The following BICC1 variants were observed in gnomAD, a reference collection of about 807,000 sequenced individuals.
BICC1 encodes the protein protein bicaudal C homolog 1.
In BICC1, 43 loss-of-function variants were observed where a neutral mutation model predicts 111.0. The observed-to-expected ratio is 0.39, with a 90% CI of 0.30 to 0.50. BICC1 has a LOEUF of 0.50. Ranked by LOEUF, BICC1 falls within the 20% of genes least tolerant of loss-of-function variation. The probability of loss-of-function intolerance (pLI) is 0.88; values close to 1 mark genes in which losing one functional copy is unlikely to be tolerated. For synonymous variants in BICC1, 467 were observed against 434.4 expected (o/e 1.07, Z -0.93); for missense variants, 1,091 against 1,203.2 (o/e 0.91, Z 1.38).
chr10:58,817,820 C>T, intron 19 of BICC1, 98 bp downstream of exon 19: 1 of 1,222,812 alleles, frequency 8.2e-7, no homozygotes, highest in Non-Finnish European at 1.1e-6. Context: ...TATGCTTTCA[C>T]TGAGCATTTA....
chr10:58,764,629 CTT>C (rs11366847), intron 3 of BICC1, among the ~76,000 whole-genome samples: 3,096 of 117,562 alleles, frequency 0.026, 36 homozygotes, highest in African/African-American at 0.04. Context: ...TAATTTCCTT[CTT>C]TTTTTTTTTT....
At chr10:58,615,127 C>T (rs1007583242) in intron 1 of BICC1, among the ~76,000 whole-genome samples, 4 of 151,780 alleles carry the variant, frequency 2.6e-5, no homozygotes, top group African/African-American at 9.7e-5. Context: ...TTTATCTTGC[C>T]TGGGTGTTCG....
intron 2 of BICC1, among the ~76,000 whole-genome samples, chr10:58,632,294 G>A (rs1369547963): frequency 6.6e-6 from 1 of 152,196 alleles, no homozygotes; most frequent in Non-Finnish European, 1.5e-5. Context: ...GCATGCATGT[G>A]TGCAGGCTTC....
intron 1 of BICC1, among the ~76,000 whole-genome samples, chr10:58,545,035 A>G (rs560323352): frequency 6.6e-6 from 1 of 152,156 alleles, no homozygotes; most frequent in East Asian, 1.9e-4. Flanking sequence ...TACCCCTCAA[A>G]AGGAACCAAC....
At chr10:58,637,507 C>T (rs1425412263) in intron 2 of BICC1, among the ~76,000 whole-genome samples, 1 of 152,220 alleles carries the variant, frequency 6.6e-6, no homozygotes, top group Non-Finnish European at 1.5e-5. Flanking sequence ...GTCTCAGCCA[C>T]AAGAATTTGC....
chr10:58,648,425 C>G (rs571286525), intron 2 of BICC1: 1 of 793,426 alleles, frequency 1.3e-6, no homozygotes, highest in East Asian at 1.3e-4. Flanking sequence ...GCTTTTGAAT[C>G]TAAGCCAAAA....
intron 3 of BICC1, among the ~76,000 whole-genome samples, chr10:58,754,760 A>ATGTGTGTGTGTGTG (rs149325160): frequency 6.7e-6 from 1 of 148,750 alleles, no homozygotes; most frequent in African/African-American, 2.5e-5. Context: ...GGGGGTGTGT[A>ATGTGTGTGTGTGTG]TGTGTGTGTG....
chr10:58,740,919 C>G (rs1228036933), intron 3 of BICC1, among the ~76,000 whole-genome samples: 1 of 152,218 alleles, frequency 6.6e-6, no homozygotes, highest in African/African-American at 2.4e-5. Context: ...GCTCTGAAAG[C>G]CCACATATTT....
At chr10:58,822,668 T>C (rs1844287119) in intron 20 of BICC1, among the ~76,000 whole-genome samples, 1 of 152,174 alleles carries the variant, frequency 6.6e-6, no homozygotes, top group African/African-American at 2.4e-5. Flanking sequence ...GTTGAGTGCA[T>C]TTGTTTGAAC....
rs769293036 is a variant in BICC1, at chr10:58,831,090, G to C, written c.*2199G>C. ...GTCCCACTTAAATTAGATTAAGTAG[G>C]GTGGCTAAAAATAAATAAAAACACT... On this transcript the variant is annotated 3_prime_UTR_variant, in exon 21 of 21. Coordinates refer to ENST00000373886, the MANE Select transcript of BICC1 (RefSeq NM_001080512.3). 1.3e-5 allele frequency: 2 copies of C among 152,070 alleles called. No homozygotes were observed. The highest frequency in any genetic ancestry group is 2.9e-5 in the Non-Finnish European group (2 of 67,992). 9.4% of individuals were successfully genotyped at this position (152,070 alleles called of 1,614,324 possible). A position where few individuals can be genotyped will look rare whatever the true frequency, so the allele number is the denominator to read the frequency against.
At chr10:58,597,282 G>A (rs1290631761) in intron 1 of BICC1, among the ~76,000 whole-genome samples, 2 of 152,098 alleles carry the variant, frequency 1.3e-5, no homozygotes, top group Non-Finnish European at 2.9e-5. Flanking sequence ...TTCAAAAGGG[G>A]AGGGGGTGTA....
At chr10:58,584,067 C>T (rs7474688) in intron 1 of BICC1, among the ~76,000 whole-genome samples, 4 of 62,218 alleles carry the variant, frequency 6.4e-5, no homozygotes, top group Non-Finnish European at 1.3e-4. Flanking sequence ...CACACACACA[C>T]ACACACACAC....
At chr10:58,568,645 T>G (rs1470297665) in intron 1 of BICC1, among the ~76,000 whole-genome samples, 1 of 152,130 alleles carries the variant, frequency 6.6e-6, no homozygotes. Context: ...AAGGAGGCTT[T>G]TCAACCCCAA....
chr10:58,783,890 A>G (rs879675706), intron 3 of BICC1, among the ~76,000 whole-genome samples: 1 of 152,186 alleles, frequency 6.6e-6, no homozygotes, highest in Non-Finnish European at 1.5e-5. Flanking sequence ...GACCTGTAAA[A>G]TAAGAGAATA....
intron 1 of BICC1, among the ~76,000 whole-genome samples, chr10:58,552,674 A>T (rs968179721): frequency 8.5e-5 from 13 of 152,252 alleles, no homozygotes; most frequent in African/African-American, 2.6e-4. Flanking sequence ...GTCATATAGT[A>T]TTTTGACCAG....
intron 1 of BICC1, among the ~76,000 whole-genome samples, chr10:58,526,206 A>G (rs1842538291): frequency 6.6e-6 from 1 of 151,904 alleles, no homozygotes; most frequent in South Asian, 2.1e-4. Context: ...TTACAGAGAA[A>G]AAAAAAAGCT....
intron 20 of BICC1, among the ~76,000 whole-genome samples, chr10:58,825,330 A>G (rs1178851558): frequency 6.6e-6 from 1 of 152,144 alleles, no homozygotes; most frequent in Non-Finnish European, 1.5e-5. Flanking sequence ...ATATATTGAA[A>G]ATATTTTTGG....
intron 2 of BICC1, among the ~76,000 whole-genome samples, chr10:58,622,450 T>C (rs1203979707): frequency 1.3e-5 from 2 of 152,224 alleles, no homozygotes; most frequent in Non-Finnish European, 2.9e-5. Flanking sequence ...CATATATACA[T>C]TCCAGCAGTT....
Position 58,521,768 on chromosome 10 carries a change from GTTTTTTTTTTT to G in BICC1, c.190+8463_190+8473del, listed in dbSNP as rs573116230. 1.2e-4 allele frequency among the ~76,000 whole-genome samples: 14 copies of G among 112,808 alleles called. No homozygotes were observed. In the East Asian group the frequency reaches 1.4e-3, roughly 11 times the overall value. 74.0% of individuals were successfully genotyped at this position (112,808 alleles called of 152,430 possible). On this transcript the variant is annotated intron_variant, in intron 1 of 20. Transcript: ENST00000373886. ...ATGAAAATCAGCCAGGGAATGTGGTGTTTTTTTTTTTTTTTTTTTTTTTTTTTTTTTTTTTT... is the reference window on the plus strand; with the variant it reads ...ATGAAAATCAGCCAGGGAATGTGGTGTTTTTTTTTTTTTTTTTTTTTTTTT...
Sources: allele counts gnomAD v4.1 joint callset (sites outside exome capture counted in the v4.1 genomes callset), GRCh38; gene constraint gnomAD v4.1.1; transcripts MANE v1.5; gene names NCBI Gene and HGNC (gene_info 2026-07-23, HGNC 2026-07-21).